The following SNTG1 variants were observed in gnomAD, a reference collection of about 807,000 sequenced individuals.
SNTG1 encodes syntrophin gamma 1.
SNTG1 carries 39 observed loss-of-function variants against 74.7 expected under a neutral mutation model. That is an observed-to-expected ratio of 0.52 (90% CI 0.40 to 0.68). The LOEUF is 0.68. SNTG1 is among the 30% of genes least tolerant of loss of function. SNTG1 has a pLI of 0.00. For missense variants in SNTG1, 685 were observed against 609.5 expected (o/e 1.12, Z -1.30); for synonymous variants, 254 against 217.1 (o/e 1.17, Z -1.49).
intron 15 of SNTG1, among the ~76,000 whole-genome samples, chr8:50,678,557 C>T (rs1172776634): frequency 6.6e-6 from 1 of 152,092 alleles, no homozygotes; most frequent in African/African-American, 2.4e-5. Flanking sequence ...AACATATCTA[C>T]TTGATTTACT....
chr8:50,508,682 A>T (rs946145123), intron 9 of SNTG1, among the ~76,000 whole-genome samples: 4 of 152,086 alleles, frequency 2.6e-5, no homozygotes, highest in Non-Finnish European at 4.4e-5. Context: ...GATGATGAGC[A>T]TTTTTTCATT....
intron 18 of SNTG1, among the ~76,000 whole-genome samples, chr8:50,785,273 C>G (rs1306702503): frequency 1.3e-5 from 2 of 151,398 alleles, no homozygotes; most frequent in Non-Finnish European, 3.0e-5. Context: ...AAAAGGTTAA[C>G]AAGAGTGACA....
intron 2 of SNTG1, among the ~76,000 whole-genome samples, chr8:50,273,022 G>A (rs553351779): frequency 6.8e-4 from 103 of 152,120 alleles, no homozygotes; most frequent in South Asian, 1.5e-3. Flanking sequence ...GGGATTACAA[G>A]CACGAGCATA....
intron 1 of SNTG1, among the ~76,000 whole-genome samples, chr8:50,130,512 C>G (rs1027909041): frequency 6.6e-6 from 1 of 152,008 alleles, no homozygotes; most frequent in Non-Finnish European, 1.5e-5. Context: ...ATTTTACTAT[C>G]ATGATAATGG....
At chr8:50,508,844 C>A (rs2094035510) in intron 9 of SNTG1, among the ~76,000 whole-genome samples, 1 of 151,176 alleles carries the variant, frequency 6.6e-6, no homozygotes, top group African/African-American at 2.4e-5. Context: ...AAGTAGATTG[C>A]AAAAATTTTC....
At chr8:50,579,654 T>TA (rs895029267) in intron 12 of SNTG1, among the ~76,000 whole-genome samples, 2 of 151,680 alleles carry the variant, frequency 1.3e-5, no homozygotes, top group Non-Finnish European at 1.5e-5. Context: ...AGTATAATAA[T>TA]AAAAAAAAGG....
At chr8:49,952,924 T>C (rs547686533) in intron 1 of SNTG1, among the ~76,000 whole-genome samples, 4 of 152,330 alleles carry the variant, frequency 2.6e-5, no homozygotes, top group Non-Finnish European at 4.4e-5. Flanking sequence ...AAGTATTGAC[T>C]GGTGGCATAG....
chr8:50,276,897 G>A (rs573738191), intron 2 of SNTG1, among the ~76,000 whole-genome samples: 3 of 152,024 alleles, frequency 2.0e-5, no homozygotes, highest in Admixed American at 1.3e-4. Context: ...GAGTGTAGTG[G>A]CATGATCTTG....
intron 8 of SNTG1, among the ~76,000 whole-genome samples, chr8:50,471,058 T>G (rs376114892): frequency 6.6e-6 from 1 of 152,014 alleles, no homozygotes; most frequent in Non-Finnish European, 1.5e-5. Flanking sequence ...ATTTACAAAC[T>G]TTAGCTAGAC....
At chr8:50,785,284 A>C (rs1041536162) in intron 18 of SNTG1, among the ~76,000 whole-genome samples, 1 of 151,980 alleles carries the variant, frequency 6.6e-6, no homozygotes, top group Non-Finnish European at 1.5e-5. Context: ...AAGAGTGACA[A>C]AACTTTAACT....
intron 2 of SNTG1, among the ~76,000 whole-genome samples, chr8:50,266,644 TTATGTGTGTG>T (rs1409802950): frequency 1.7e-4 from 22 of 130,058 alleles, no homozygotes; most frequent in South Asian, 2.5e-4. Flanking sequence ...AGACACAGAA[TTATGTGTGTG>T]TGTGTGTGTG....
chr8:50,745,395 G>A (rs1415397736), intron 17 of SNTG1, among the ~76,000 whole-genome samples: 3 of 151,942 alleles, frequency 2.0e-5, no homozygotes, highest in African/African-American at 7.2e-5. Flanking sequence ...AACAAACAAA[G>A]TTGTTGATGA....
At position 49,968,493 on chromosome 8, in the gene SNTG1, A is replaced by G. The variant is rs546112259; in HGVS notation, c.-103+56262A>G. On this transcript the variant is annotated intron_variant, in intron 1 of 18. Coordinates refer to ENST00000642720, the MANE Select transcript of SNTG1 (RefSeq NM_018967.5). Reference sequence around the variant, plus strand: ...CAGTTCCAAAATTTTCATAAGATCTAAAGTGGAAAGATCCAGATCACTAGA... The same window carrying G: ...CAGTTCCAAAATTTTCATAAGATCTGAAGTGGAAAGATCCAGATCACTAGA... Among the ~76,000 whole-genome samples the G allele has an allele frequency of 2.2e-3, 329 of 152,116 alleles. 2 individuals carry two copies. Among genetic ancestry groups the G allele is most frequent in the African/African-American group, 7.7e-3 (320 of 41,376 alleles).
chr8:50,427,957 A>G (rs2093184799), intron 4 of SNTG1, among the ~76,000 whole-genome samples: 2 of 152,294 alleles, frequency 1.3e-5, no homozygotes, highest in African/African-American at 4.8e-5. Context: ...TAGATTAGAC[A>G]AAAGGAAATA....
chr8:50,289,893 G>A (rs1031325796), intron 2 of SNTG1, among the ~76,000 whole-genome samples: 12 of 152,128 alleles, frequency 7.9e-5, no homozygotes, highest in African/African-American at 2.9e-4. Flanking sequence ...TATAGCAAGG[G>A]AATGCACGGA....
intron 8 of SNTG1, among the ~76,000 whole-genome samples, chr8:50,484,156 C>CTTTCTTTCTTTT (rs1563453672): frequency 1.9e-5 from 1 of 53,798 alleles, no homozygotes; most frequent in African/African-American, 7.0e-5. Context: ...TTCTTTCCTT[C>CTTTCTTTCTTTT]CTTCCTTCCT....
chr8:50,607,804 C>CAATAAGATGTAAAAG (rs2094823483), intron 13 of SNTG1, among the ~76,000 whole-genome samples: 2 of 151,402 alleles, frequency 1.3e-5, no homozygotes, highest in Non-Finnish European at 3.0e-5. Flanking sequence ...TGAAATGTAA[C>CAATAAGATGTAAAAG]ATAAGTTTTA....
chr8:50,245,107 G>A (rs373902227), intron 2 of SNTG1, among the ~76,000 whole-genome samples: 4 of 152,026 alleles, frequency 2.6e-5, no homozygotes, highest in South Asian at 2.1e-4. Context: ...GCATGTGTAC[G>A]CAGCAATAAA....
At chr8:50,167,687 C>T (rs1586564101) in intron 1 of SNTG1, among the ~76,000 whole-genome samples, 1 of 150,926 alleles carries the variant, frequency 6.6e-6, no homozygotes, top group East Asian at 1.9e-4. Flanking sequence ...GTGGCATGCG[C>T]CTGTAGTCCC....
Sources: allele counts gnomAD v4.1 joint callset (sites outside exome capture counted in the v4.1 genomes callset), GRCh38; gene constraint gnomAD v4.1.1; transcripts MANE v1.5; gene names NCBI Gene and HGNC (gene_info 2026-07-23, HGNC 2026-07-21).